WDR20: variants seen among roughly 807,000 people sequenced by gnomAD.
WDR20 encodes WD repeat-containing protein 20.
A neutral mutation model predicts 38.7 loss-of-function variants in WDR20; 3 were observed. The ratio of observed to expected loss-of-function variants is 0.08; its 90% confidence interval spans 0.04 to 0.20. WDR20 has a LOEUF of 0.20. Among genes scored for constraint, WDR20 ranks in the 10% least tolerant of loss-of-function variants. The pLI is 1.00. For missense variants in WDR20, 559 were observed against 727.7 expected, an observed-to-expected ratio of 0.77 and a Z score of 2.67; for synonymous variants, 298 against 285.6, an observed-to-expected ratio of 1.04 and a Z score of -0.44.
At chr14:102,198,324 G>T in intron 2 of WDR20, 1 of 313,442 alleles carries the variant, frequency 3.2e-6, no homozygotes, top group Non-Finnish European at 6.4e-6. Context: ...CACCATGTTG[G>T]CCAGGCTAGT....
chr14:102,212,475 C>T (rs1324016112), downstream of WDR20: 1 of 1,532,536 alleles, frequency 6.5e-7, no homozygotes, highest in Non-Finnish European at 8.7e-7. Context: ...CGACACCACT[C>T]TGTGTCCACT....
chr14:102,181,908 A>G (rs1018182821), intron 1 of WDR20, among the ~76,000 whole-genome samples: 3 of 152,164 alleles, frequency 2.0e-5, no homozygotes, highest in South Asian at 2.1e-4. Flanking sequence ...TAAATACAGC[A>G]CTGTCCCTTA....
intron 2 of WDR20, among the ~76,000 whole-genome samples, chr14:102,204,061 C>T (rs1207689870): frequency 6.6e-6 from 1 of 152,180 alleles, no homozygotes; most frequent in East Asian, 1.9e-4. Flanking sequence ...GGGTCTGAGA[C>T]AGGCTGGTGC....
intron 2 of WDR20, chr14:102,196,006 T>C (rs981038802): frequency 6.6e-6 from 1 of 152,250 alleles, no homozygotes; most frequent in African/African-American, 2.4e-5. Flanking sequence ...CCTTTTGCAT[T>C]GTTGCATGGT....
At chr14:102,165,537 C>A (rs1200589292) in intron 1 of WDR20, among the ~76,000 whole-genome samples, 1 of 151,806 alleles carries the variant, frequency 6.6e-6, no homozygotes, top group Non-Finnish European at 1.5e-5. Context: ...GTTTGAGGAG[C>A]TTCTTGTATG....
intron 1 of WDR20, among the ~76,000 whole-genome samples, chr14:102,141,773 T>G (rs1486878681): frequency 1.3e-5 from 2 of 152,154 alleles, no homozygotes; most frequent in Non-Finnish European, 2.9e-5. Context: ...ACATTGATAA[T>G]CAGAGTGAAA....
exon 4 of WDR20, chr14:102,223,029 ACT>A (rs2064097020): frequency 1.1e-6 from 1 of 898,834 alleles, no homozygotes; most frequent in Non-Finnish European, 1.7e-6. Flanking sequence ...TGACCGGCTC[ACT>A]CTGCGGCGCC....
At chr14:102,201,616 A>AG (rs1282363941) in intron 2 of WDR20, among the ~76,000 whole-genome samples, 1 of 148,216 alleles carries the variant, frequency 6.7e-6, no homozygotes, top group Non-Finnish European at 1.5e-5. Context: ...AACTATGGGG[A>AG]GGGCCGCGCT....
At chr14:102,210,572 C>T (rs1470627123), downstream of WDR20, 6 of 984,414 alleles carry the variant, frequency 6.1e-6, no homozygotes, top group Admixed American at 6.2e-5. Flanking sequence ...CTAAGATACC[C>T]GTACCTCACT....
chr14:102,163,106 T>C (rs1035034827), intron 1 of WDR20, among the ~76,000 whole-genome samples: 2 of 152,144 alleles, frequency 1.3e-5, no homozygotes, highest in Non-Finnish European at 2.9e-5. Context: ...TAAGGGCTGA[T>C]GAGATCATGA....
chr14:102,184,169 T>C (rs2064008291), intron 1 of WDR20, among the ~76,000 whole-genome samples: 1 of 152,246 alleles, frequency 6.6e-6, no homozygotes, highest in Admixed American at 6.5e-5. Flanking sequence ...AAATTGAATT[T>C]ATCTTGATGT....
chr14:102,223,008 C>T (rs3210281), exon 4 of WDR20: 4 of 1,154,956 alleles, frequency 3.5e-6, no homozygotes, highest in East Asian at 2.5e-5. Context: ...CGGCGATAGC[C>T]GTGTGGACGG....
In WDR20 at chr14:102,209,982, G is replaced by C. The variant is rs1222719373; in HGVS notation, c.*102G>C. The C allele has an allele frequency of 3.4e-6, 5 of 1,482,050 alleles. No homozygotes were observed. The highest frequency in any genetic ancestry group is 3.6e-4 in the Middle Eastern group (2 of 5,498). 91.8% of individuals were successfully genotyped at this position (1,482,050 alleles called of 1,614,324 possible). ...GTGAATGACACTTCTTATTCTTAATGTAAATCTCAATGCATCAGAGCCATA... is the reference window on the plus strand; with the variant it reads ...GTGAATGACACTTCTTATTCTTAATCTAAATCTCAATGCATCAGAGCCATA... On this transcript the variant is annotated 3_prime_UTR_variant, in exon 3 of 3. Transcript: ENST00000342702. This position sits in a 1 kb window ranked among gnomAD's most constrained non-coding sequence, Gnocchi z 6.0.
intron 1 of WDR20, among the ~76,000 whole-genome samples, chr14:102,186,207 A>C (rs1596472494): frequency 6.6e-6 from 1 of 152,218 alleles, no homozygotes; most frequent in Non-Finnish European, 1.5e-5. Context: ...TGAATTGAAG[A>C]TACTGTGAGA....
intron 1 of WDR20, among the ~76,000 whole-genome samples, chr14:102,142,994 A>G (rs2052031812): frequency 6.6e-6 from 1 of 152,092 alleles, no homozygotes; most frequent in South Asian, 2.1e-4. Flanking sequence ...TAGGTGAGGA[A>G]GTAGTCTAAC....
At chr14:102,152,187 A>G (rs1025525945) in intron 1 of WDR20, among the ~76,000 whole-genome samples, 2 of 151,996 alleles carry the variant, frequency 1.3e-5, no homozygotes, top group African/African-American at 4.8e-5. Context: ...CAGTGGTAGG[A>G]TTATAGGTGT....
chr14:102,177,699 A>C (rs1038423994), intron 1 of WDR20, among the ~76,000 whole-genome samples: 4 of 152,204 alleles, frequency 2.6e-5, no homozygotes, highest in African/African-American at 9.7e-5. Flanking sequence ...GATTGATATA[A>C]GGAAAGGGGT....
chr14:102,206,499 T>C (rs2061566961), intron 2 of WDR20, among the ~76,000 whole-genome samples: 1 of 152,228 alleles, frequency 6.6e-6, no homozygotes, highest in Non-Finnish European at 1.5e-5. Flanking sequence ...ACCGTGCTGC[T>C]AGAAGTTTTT....
In WDR20 at chr14:102,155,665, AATTT is replaced by A. The variant is rs565437543; in HGVS notation, c.249+15506_249+15509del. ...ATGGGAAAAATATTTCACTTTAAAA[AATTT>A]ATTTATTTATTTTACTAACTTCTGA... is the stretch of plus-strand genomic sequence containing the variant. On this transcript the variant is annotated intron_variant, in intron 1 of 2. Transcript: ENST00000342702. 1.1e-4 allele frequency among the ~76,000 whole-genome samples: 16 copies of A among 152,356 alleles called. No individual in the cohort carries two copies. The South Asian group carries it at 2.9e-3, about 28-fold the overall frequency.
Sources: allele counts gnomAD v4.1 joint callset (sites outside exome capture counted in the v4.1 genomes callset), GRCh38; gene constraint gnomAD v4.1.1; non-coding constraint Gnocchi (gnomAD v3.1); transcripts MANE v1.5; gene names NCBI Gene and HGNC (gene_info 2026-07-23, HGNC 2026-07-21).